Variants in NSD3 observed in about 807,000 individuals in gnomAD.
NSD3 encodes histone-lysine N-methyltransferase NSD3.
A neutral mutation model predicts 160.8 loss-of-function variants in NSD3; 24 were observed. The ratio of observed to expected loss-of-function variants is 0.15; its 90% confidence interval spans 0.11 to 0.21. NSD3 has a LOEUF of 0.21. NSD3 is among the 10% of genes least tolerant of loss of function. The probability of loss-of-function intolerance (pLI) is 1.00; values close to 1 mark genes in which losing one functional copy is unlikely to be tolerated. For missense variants in NSD3, 1,157 were observed against 1,735.9 expected, an observed-to-expected ratio of 0.67 and a Z score of 5.93; for synonymous variants, 520 against 600.0, an observed-to-expected ratio of 0.87 and a Z score of 1.95.
In NSD3 at chr8:38,318,248, A is replaced by G. The variant is rs1389027741; in HGVS notation, c.1855+647T>C. ...TATTTTTAAATAATGCAATTTGCCC[A>G]GAGTAAACTACAGGTATTAAATACA... On this transcript the variant is annotated intron_variant, in intron 9 of 23. Coordinates refer to ENST00000317025, the MANE Select transcript of NSD3 (RefSeq NM_023034.2). This position sits in a 1 kb window ranked among gnomAD's most constrained non-coding sequence, Gnocchi z 5.3. Among the ~76,000 whole-genome samples the G allele has an allele frequency of 6.6e-6, 1 of 152,188 alleles. No homozygotes were observed. Among genetic ancestry groups the G allele is most frequent in the Non-Finnish European group, 1.5e-5 (1 of 68,028 alleles).
intron 15 of NSD3, among the ~76,000 whole-genome samples, chr8:38,298,413 C>G (rs1809205853): frequency 6.6e-6 from 1 of 152,154 alleles, no homozygotes; most frequent in Non-Finnish European, 1.5e-5. Flanking sequence ...AATCGACTTG[C>G]TTAGTCTCAC....
chr8:38,329,564 A>AGGCGGT lies in NSD3; in HGVS notation c.1389_1394dup (p.Pro464_Pro465dup). On this transcript the variant is annotated inframe_insertion, in exon 6 of 24. Coordinates refer to ENST00000317025, the MANE Select transcript of NSD3 (RefSeq NM_023034.2). This position sits in a 1 kb window ranked among gnomAD's most constrained non-coding sequence, Gnocchi z 4.8. ...CCGCAGTTTTCCAGGCTATTTTAAC[A>AGGCGGT]GGCGGTGGCTCTTCCTCTTCCGCAC... 6.2e-7 allele frequency: 1 copy of AGGCGGT among 1,614,238 alleles called. No homozygotes were observed. The highest frequency in any genetic ancestry group is 8.5e-7 in the Non-Finnish European group (1 of 1,180,040).
Position 38,275,434 on chromosome 8 carries a change from C to T in NSD3, c.*207G>A. ...CAAGAAAAGACCAAGGGAATTTAACCCTCCACAAAAGAATCCCAAACCAAC... is the reference window on the plus strand; with the variant it reads ...CAAGAAAAGACCAAGGGAATTTAACTCTCCACAAAAGAATCCCAAACCAAC... On this transcript the variant is annotated 3_prime_UTR_variant, in exon 24 of 24. Coordinates refer to ENST00000317025, the MANE Select transcript of NSD3 (RefSeq NM_023034.2). The T allele has an allele frequency of 1.9e-6, 1 of 536,882 alleles. No homozygotes were observed. Among genetic ancestry groups the T allele is most frequent in the East Asian group, 3.0e-5 (1 of 33,220 alleles). 33.3% of individuals were successfully genotyped at this position (536,882 alleles called of 1,614,324 possible). A position where few individuals can be genotyped will look rare whatever the true frequency, so the allele number is the denominator to read the frequency against.
intron 12 of NSD3, among the ~76,000 whole-genome samples, chr8:38,310,280 T>C (rs1390368048): frequency 6.6e-6 from 1 of 152,226 alleles, no homozygotes; most frequent in Non-Finnish European, 1.5e-5. Flanking sequence ...CATACAATAT[T>C]TGTTGGCCTT....
chr8:38,303,322 C>T (rs1030855109), intron 14 of NSD3: 6 of 985,194 alleles, frequency 6.1e-6, no homozygotes, highest in African/African-American at 5.2e-5. Flanking sequence ...CCACCTGTTA[C>T]GATATAGCAG....
chr8:38,311,904 C>T (rs565989027), intron 12 of NSD3, among the ~76,000 whole-genome samples: 16 of 152,210 alleles, frequency 1.1e-4, no homozygotes, highest in Non-Finnish European at 1.9e-4. Context: ...TTTTTTCTTC[C>T]AAGAGTTTTA....
At position 38,318,316 on chromosome 8, in the gene NSD3, G is replaced by A. The variant is rs910852509; in HGVS notation, c.1855+579C>T. 6.6e-5 allele frequency among the ~76,000 whole-genome samples: 10 copies of A among 152,160 alleles called. No individual in the cohort carries two copies. In the East Asian group the frequency reaches 1.7e-3, roughly 26 times the overall value. On this transcript the variant is annotated intron_variant, in intron 9 of 23. Transcript: ENST00000317025. The surrounding 1 kb of genome is among the most constrained non-coding windows in gnomAD (Gnocchi z 5.3). ...ACGCACGAATCATGCTATGGAGTTT[G>A]TACTGTAGTCAAATTGCACACAGAA...
chr8:38,369,917 C>G (rs1039181259), intron 1 of NSD3, among the ~76,000 whole-genome samples: 4 of 152,280 alleles, frequency 2.6e-5, no homozygotes, highest in African/African-American at 7.2e-5. Context: ...GCCTCAGCCT[C>G]CTGAGTAGCT....
intron 2 of NSD3, among the ~76,000 whole-genome samples, chr8:38,343,617 C>T (rs984637867): frequency 4.6e-5 from 7 of 152,098 alleles, no homozygotes; most frequent in Non-Finnish European, 7.4e-5. Context: ...GCAGGATAAT[C>T]GCTTGAATCC....
At chr8:38,353,505 T>C (rs1810751851) in intron 1 of NSD3, among the ~76,000 whole-genome samples, 1 of 152,210 alleles carries the variant, frequency 6.6e-6, no homozygotes, top group Non-Finnish European at 1.5e-5. Context: ...TCCCAAATTA[T>C]AGTCTTCAGG....
At chr8:38,287,433 C>A (rs914372468) in intron 19 of NSD3, among the ~76,000 whole-genome samples, 1 of 151,806 alleles carries the variant, frequency 6.6e-6, no homozygotes, top group African/African-American at 2.4e-5. Context: ...TTTAGAAAAC[C>A]CTTAAAAAAT....
intron 12 of NSD3, among the ~76,000 whole-genome samples, chr8:38,306,752 C>T (rs113248778): frequency 0.014 from 2,097 of 151,658 alleles, 28 homozygotes; most frequent in Middle Eastern, 0.037. Flanking sequence ...GACAAATAGG[C>T]AAAAGAAAAT....
rs11290856 is a variant in NSD3, at chr8:38,293,922, CAAAAAAAAAAAAAAA to C, written c.2915+1859_2915+1873del. 2.2e-4 allele frequency among the ~76,000 whole-genome samples: 11 copies of C among 49,936 alleles called. 1 individual carries two copies. Among genetic ancestry groups the C allele is most frequent in the South Asian group, 1.2e-3 (1 of 828 alleles). 32.8% of individuals were successfully genotyped at this position (49,936 alleles called of 152,430 possible). A position where few individuals can be genotyped will look rare whatever the true frequency, so the allele number is the denominator to read the frequency against. On this transcript the variant is annotated intron_variant, in intron 16 of 23. Coordinates refer to ENST00000317025, the MANE Select transcript of NSD3 (RefSeq NM_023034.2). ...TGGGTGACAGAGTGAGACTCCGTCT[CAAAAAAAAAAAAAAA>C]AAAAAAAAAAAAAAAAAGAGAAATA...
intron 2 of NSD3, 73 bp from the exon 3 acceptor site, chr8:38,338,680 C>T (rs1810284406): frequency 9.3e-6 from 11 of 1,179,806 alleles, no homozygotes; most frequent in Non-Finnish European, 1.4e-5. Context: ...CAGTGACATA[C>T]ATAAAAAGAA....
chr8:38,345,967 C>T (rs1647516270), intron 2 of NSD3, among the ~76,000 whole-genome samples: 1 of 151,822 alleles, frequency 6.6e-6, no homozygotes, highest in Non-Finnish European at 1.5e-5. Context: ...TAATAGTTAA[C>T]TGAAGGTTTA....
intron 1 of NSD3, among the ~76,000 whole-genome samples, chr8:38,360,172 TTTG>T (rs757731943): frequency 6.6e-6 from 1 of 152,038 alleles, no homozygotes; most frequent in African/African-American, 2.4e-5. Context: ...ATTTTTAAAA[TTTG>T]TTGTAGAGAC....
intron 19 of NSD3, among the ~76,000 whole-genome samples, chr8:38,287,357 T>C (rs986397675): frequency 7.2e-5 from 11 of 152,196 alleles, no homozygotes; most frequent in Non-Finnish European, 1.3e-4. Flanking sequence ...GTAAAATCTA[T>C]ATGTACTGCC....
chr8:38,295,172 T>TG (rs1809105734), intron 16 of NSD3, among the ~76,000 whole-genome samples: 2 of 150,918 alleles, frequency 1.3e-5, no homozygotes, highest in South Asian at 2.1e-4. Context: ...AAGTTTTTTT[T>TG]GGAAAAAAAA....
intron 1 of NSD3, among the ~76,000 whole-genome samples, chr8:38,361,717 T>G (rs1168284702): frequency 7.7e-6 from 1 of 130,386 alleles, no homozygotes; most frequent in Non-Finnish European, 1.5e-5. Context: ...ATCGCGCCAC[T>G]GCGCTCCAGC....
Sources: allele counts gnomAD v4.1 joint callset (sites outside exome capture counted in the v4.1 genomes callset), GRCh38; gene constraint gnomAD v4.1.1; non-coding constraint Gnocchi (gnomAD v3.1); transcripts MANE v1.5; gene names NCBI Gene and HGNC (gene_info 2026-07-23, HGNC 2026-07-21).